The following RBFOX3 variants were observed in gnomAD, a reference collection of about 807,000 sequenced individuals.
RBFOX3 encodes RNA binding fox-1 homolog 3, also known as RNA binding protein fox-1 homolog 3.
RBFOX3 carries 17 observed loss-of-function variants against 48.7 expected under a neutral mutation model. That is an observed-to-expected ratio of 0.35 (90% CI 0.24 to 0.52). The LOEUF is 0.52. Among genes scored for constraint, RBFOX3 ranks in the 20% least tolerant of loss-of-function variants. The probability of loss-of-function intolerance (pLI) is 0.94; values close to 1 mark genes in which losing one functional copy is unlikely to be tolerated. For synonymous variants in RBFOX3, 212 were observed against 209.5 expected (o/e 1.01, Z -0.10); for missense variants, 382 against 497.5 (o/e 0.77, Z 2.21).
Position 79,361,903 on chromosome 17 carries a change from AATAAAAATGTT to A in RBFOX3, c.-174-54090_-174-54080del, listed in dbSNP as rs1173334164. 6.6e-6 allele frequency among the ~76,000 whole-genome samples: 1 copy of A among 152,234 alleles called. No individual in the cohort carries two copies. The highest frequency in any genetic ancestry group is 2.4e-5 in the African/African-American group (1 of 41,466). ...TTCTTTATTTGTTCATTAAAACTTC[AATAAAAATGTT>A]ATAAAAATGTCTTATTTTGGTAGTT... On this transcript the variant is annotated intron_variant, in intron 2 of 14. Coordinates refer to ENST00000693108, the MANE Select transcript of RBFOX3 (RefSeq NM_001350451.2). This position sits in a 1 kb window ranked among gnomAD's most constrained non-coding sequence, Gnocchi z 4.5.
chr17:79,495,600 A>G (rs60275551), intron 1 of RBFOX3, among the ~76,000 whole-genome samples: 11,127 of 13,342 alleles, frequency 0.83, 4,732 homozygotes, highest in Middle Eastern at 1. Context: ...GGGGAGGGGT[A>G]CAGAGGGTGG....
intron 4 of RBFOX3, among the ~76,000 whole-genome samples, chr17:79,232,492 A>T (rs1229637065): frequency 6.6e-6 from 1 of 152,210 alleles, no homozygotes; most frequent in Non-Finnish European, 1.5e-5. Flanking sequence ...TACACATGAC[A>T]ACTGATTTTT....
chr17:79,558,323 G>A (rs913669042), intron 1 of RBFOX3, among the ~76,000 whole-genome samples: 6 of 152,222 alleles, frequency 3.9e-5, no homozygotes, highest in Non-Finnish European at 2.9e-5. Context: ...CAGAGAGAGT[G>A]AGAGCCAGGA....
Position 79,094,514 on chromosome 17 carries a change from G to A in RBFOX3, c.1014C>T (p.Tyr338=), listed in dbSNP as rs780661784. The A allele has an allele frequency of 1.7e-5, 22 of 1,277,672 alleles. No individual in the cohort carries two copies. Among genetic ancestry groups the A allele is most frequent in the African/African-American group, 1.2e-4 (7 of 59,804 alleles). The allele number at this position is 1,277,672 out of a possible 1,614,324, so 79.1% of individuals were successfully genotyped here. ...TGTGATGGTACGGGTCGGCAGCTGCGTAGACTCTGCCGTAACTAGGGAAGA... is the reference window on the plus strand; with the variant it reads ...TGTGATGGTACGGGTCGGCAGCTGCATAGACTCTGCCGTAACTAGGGAAGA... ...AAYSDSYGRV[Y]AAADPYHHTI... is the part of the protein sequence containing the mutation. Residue 338 remains tyrosine (Y), a synonymous_variant, in exon 14 of 15, where the codon TAC becomes TAT. Coordinates refer to ENST00000693108, the MANE Select transcript of RBFOX3 (RefSeq NM_001350451.2).
upstream of RBFOX3, among the ~76,000 whole-genome samples, chr17:79,611,185 CT>C: frequency 6.7e-5 from 1 of 14,922 alleles, no homozygotes; most frequent in South Asian, 0.016. Context: ...CGCCCTCCTT[CT>C]CTCTCTCTCT....
rs1004154120 is a variant in RBFOX3 at position 79,595,650 on chromosome 17, G to A, written c.-320+15176C>T. On this transcript the variant is annotated intron_variant, in intron 1 of 14. Transcript: ENST00000693108. Reference sequence around the variant, plus strand: ...CTGTGGGAAGTGGCATGCCAGCCGCGCAGAGGGGAGGACGGACCTGGCATC... The same window carrying A: ...CTGTGGGAAGTGGCATGCCAGCCGCACAGAGGGGAGGACGGACCTGGCATC... 3.9e-4 allele frequency among the ~76,000 whole-genome samples: 60 copies of A among 152,292 alleles called. 1 individual carries two copies. The highest frequency in any genetic ancestry group is 1.2e-3 in the Admixed American group (18 of 15,288).
At chr17:79,382,881 G>A (rs2060099203) in intron 2 of RBFOX3, among the ~76,000 whole-genome samples, 1 of 152,190 alleles carries the variant, frequency 6.6e-6, no homozygotes, top group African/African-American at 2.4e-5. Context: ...GAACCTTGCT[G>A]ACCTCTTAAT....
chr17:79,311,403 A>C lies in RBFOX3; in HGVS notation c.-174-3579T>G, dbSNP rs2076832868. On this transcript the variant is annotated intron_variant, in intron 2 of 14. Transcript: ENST00000693108. The surrounding 1 kb of genome is among the most constrained non-coding windows in gnomAD (Gnocchi z 4.2). Reference sequence around the variant, plus strand: ...AGCCAAGATCACACCATTGCACTCCAGCCTGGGTAAGAAGAGCGAGACTCC... The same window carrying C: ...AGCCAAGATCACACCATTGCACTCCCGCCTGGGTAAGAAGAGCGAGACTCC... 7.0e-6 allele frequency among the ~76,000 whole-genome samples: 1 copy of C among 143,184 alleles called. No homozygotes were observed. Among genetic ancestry groups the C allele is most frequent in the Admixed American group, 7.5e-5 (1 of 13,410 alleles). 93.9% of individuals were successfully genotyped at this position (143,184 alleles called of 152,430 possible). A position where few individuals can be genotyped will look rare whatever the true frequency, so the allele number is the denominator to read the frequency against.
intron 1 of RBFOX3, among the ~76,000 whole-genome samples, chr17:79,589,554 GA>G (rs2093356934): frequency 6.6e-6 from 1 of 152,214 alleles, no homozygotes. Context: ...GGGAGGACAT[GA>G]TTCAGCCCGA....
intron 4 of RBFOX3, among the ~76,000 whole-genome samples, chr17:79,128,084 T>C (rs1175101333): frequency 6.6e-6 from 1 of 152,248 alleles, no homozygotes; most frequent in Non-Finnish European, 1.5e-5. Context: ...GGTAGAGTCC[T>C]ACCCTCAGGG....
In RBFOX3 at chr17:79,097,415, A is replaced by G; in HGVS notation, c.632T>C (p.Phe211Ser). Residue 211 changes from phenylalanine to serine, a missense_variant, in exon 11 of 15, where the codon TTC becomes TCC. Physicochemically the swap from Phe to Ser is radical, Grantham distance 155 (BLOSUM62 -2). This residue lies in a region of RBFOX3 where 215 missense variants were observed against 254.8 expected (regional missense o/e 0.84). Transcript: ENST00000693108. ...YGPEFYAVTG[F>S]PYPTTGTAVA... The stretch of plus-strand genomic sequence containing the variant: ...GGCTGTGCCGGTGGTGGGGTAGGGG[A>G]ACCCCGTCACTGCAGGAAACGGGGC... The G allele has an allele frequency of 6.5e-7, 1 of 1,545,574 alleles. No homozygotes were observed. Among genetic ancestry groups the G allele is most frequent in the Non-Finnish European group, 8.7e-7 (1 of 1,144,738 alleles).
chr17:79,112,904 C>CGG (rs1271126513), intron 5 of RBFOX3, among the ~76,000 whole-genome samples: 157 of 10,334 alleles, frequency 0.015, no homozygotes, highest in African/African-American at 0.038. Context: ...AGCAGGCTCT[C>CGG]GGGGGGGGGG....
intron 4 of RBFOX3, among the ~76,000 whole-genome samples, chr17:79,125,962 G>T (rs2037140524): frequency 6.6e-6 from 1 of 152,218 alleles, no homozygotes; most frequent in African/African-American, 2.4e-5. Flanking sequence ...CCCACCTGCA[G>T]ATCTGTGCTG....
intron 3 of RBFOX3, among the ~76,000 whole-genome samples, chr17:79,302,309 G>A (rs185826890): frequency 1.6e-4 from 24 of 152,196 alleles, no homozygotes; most frequent in Admixed American, 3.3e-4. Context: ...TTAAGTACAC[G>A]ATCCAGGATC....
intron 3 of RBFOX3, among the ~76,000 whole-genome samples, chr17:79,257,467 G>C (rs1337623449): frequency 2.0e-5 from 3 of 152,266 alleles, no homozygotes; most frequent in African/African-American, 7.2e-5. Flanking sequence ...CCTGTGCTGA[G>C]TGGAGGACAG....
intron 2 of RBFOX3, among the ~76,000 whole-genome samples, chr17:79,334,119 C>A (rs770474999): frequency 2.0e-5 from 3 of 152,160 alleles, no homozygotes; most frequent in Non-Finnish European, 4.4e-5. Context: ...TTTTCCATCA[C>A]CTCTTCCTGT....
At chr17:79,512,615 G>A (rs868911208) in intron 1 of RBFOX3, among the ~76,000 whole-genome samples, 264 of 87,748 alleles carry the variant, frequency 3.0e-3, no homozygotes, top group African/African-American at 0.011. Context: ...GCCAGGGGAC[G>A]CACACCCGGA....
At chr17:79,268,296 C>T (rs982753988) in intron 3 of RBFOX3, among the ~76,000 whole-genome samples, 4 of 152,140 alleles carry the variant, frequency 2.6e-5, no homozygotes, top group Non-Finnish European at 5.9e-5. Context: ...GCCCACCTTG[C>T]CTCACCTCCC....
chr17:79,211,301 G>A (rs2058349076), intron 4 of RBFOX3, among the ~76,000 whole-genome samples: 1 of 152,204 alleles, frequency 6.6e-6, no homozygotes, highest in African/African-American at 2.4e-5. Context: ...GGCAGCCTGT[G>A]CCTCTGACCC....
Sources: allele counts gnomAD v4.1 joint callset (sites outside exome capture counted in the v4.1 genomes callset), GRCh38; gene constraint gnomAD v4.1.1; regional missense constraint gnomAD v4.1.1; non-coding constraint Gnocchi (gnomAD v3.1); transcripts MANE v1.5; gene names NCBI Gene and HGNC (gene_info 2026-07-23, HGNC 2026-07-21).